Variants in CSMD3 observed in about 807,000 individuals in gnomAD.
The protein encoded by CSMD3 is CUB and Sushi multiple domains 3.
A neutral mutation model predicts 435.2 loss-of-function variants in CSMD3; 177 were observed. The observed-to-expected ratio is 0.41, with a 90% CI of 0.36 to 0.46. CSMD3 has a LOEUF of 0.46. Ranked by LOEUF, CSMD3 falls within the 20% of genes least tolerant of loss-of-function variation. The pLI is 0.34. For missense variants in CSMD3, 4,265 were observed against 4,504.6 expected (o/e 0.95, Z 1.52); for synonymous variants, 1,656 against 1,520.5 (o/e 1.09, Z -2.07).
Position 112,313,914 on chromosome 8 carries a change from C to A in CSMD3, c.7688G>T (p.Arg2563Ile), listed in dbSNP as rs767842756. 1 of 1,610,732 alleles carries A rather than the reference C, an allele frequency of 6.2e-7. No homozygotes were observed. The highest frequency in any genetic ancestry group is 1.1e-5 in the South Asian group (1 of 91,020). The change falls in exon 49 of 71, where the codon AGA (arginine) becomes ATA (isoleucine). Residue 2563 changes from arginine to isoleucine, a missense_variant. Around this residue, in one of 3 missense-constraint regions of CSMD3, gnomAD observed 3,255 missense variants for 3,380.2 expected, o/e 0.96. Coordinates refer to ENST00000297405, the MANE Select transcript of CSMD3 (RefSeq NM_198123.2). ...TTATAAGTTTTACATACCTATATATCTTATCCGGAAGCCTTTTTTGTTATT... is the reference window on the plus strand; with the variant it reads ...TTATAAGTTTTACATACCTATATATATTATCCGGAAGCCTTTTTTGTTATT... ...HGNNKKGFRI[R>I]YIAFYCSTPE...
chr8:112,892,312 T>C (rs1404054650), intron 10 of CSMD3, among the ~76,000 whole-genome samples: 1 of 151,572 alleles, frequency 6.6e-6, no homozygotes, highest in East Asian at 2.0e-4. Context: ...TCAATAACTC[T>C]ATAGAAAGAT....
intron 1 of CSMD3, among the ~76,000 whole-genome samples, chr8:113,376,028 T>C (rs893014948): frequency 6.6e-6 from 1 of 152,200 alleles, no homozygotes; most frequent in Non-Finnish European, 1.5e-5. Context: ...ATTATCTATA[T>C]GAATGTAACT....
intron 3 of CSMD3, among the ~76,000 whole-genome samples, chr8:113,256,143 A>G (rs2093378997): frequency 6.6e-6 from 1 of 152,134 alleles, no homozygotes; most frequent in South Asian, 2.1e-4. Flanking sequence ...AAGAAAAAAA[A>G]AGCAAATGTA....
chr8:112,285,060 T>A (rs1028474183), intron 58 of CSMD3, among the ~76,000 whole-genome samples: 3 of 152,086 alleles, frequency 2.0e-5, no homozygotes, highest in Non-Finnish European at 4.4e-5. Flanking sequence ...TACTAAAATC[T>A]GTTTGTGTAA....
intron 1 of CSMD3, among the ~76,000 whole-genome samples, chr8:113,384,645 CT>C (rs1320403454): frequency 6.6e-6 from 1 of 152,140 alleles, no homozygotes; most frequent in Admixed American, 6.6e-5. Context: ...TGTAGTACAT[CT>C]GAGAAGGCAT....
chr8:113,198,346 T>C (rs561960574), intron 3 of CSMD3, among the ~76,000 whole-genome samples: 1 of 151,466 alleles, frequency 6.6e-6, no homozygotes, highest in East Asian at 1.9e-4. Flanking sequence ...ACATACTATA[T>C]ATGTGATGTA....
chr8:112,939,295 T>A (rs1460191699), intron 9 of CSMD3, among the ~76,000 whole-genome samples: 4 of 152,066 alleles, frequency 2.6e-5, no homozygotes, highest in African/African-American at 9.7e-5. Flanking sequence ...CAATGAAGAC[T>A]TTTAAATCTT....
chr8:112,367,813 C>T (rs955754688), intron 38 of CSMD3, among the ~76,000 whole-genome samples: 1 of 152,110 alleles, frequency 6.6e-6, no homozygotes, highest in Non-Finnish European at 1.5e-5. Context: ...ACTCTTTCTC[C>T]AAGAAAAAAG....
intron 2 of CSMD3, chr8:113,313,644 A>G: frequency 6.6e-6 from 1 of 152,248 alleles, no homozygotes; most frequent in South Asian, 2.1e-4. Flanking sequence ...AGGCAAGAAC[A>G]TGTTATCAAC....
chr8:113,353,389 A>G (rs533155186), intron 1 of CSMD3, among the ~76,000 whole-genome samples: 1 of 152,254 alleles, frequency 6.6e-6, no homozygotes, highest in South Asian at 2.1e-4. Flanking sequence ...TTTGTACTAA[A>G]TATTCTAACA....
Position 112,556,332 on chromosome 8 carries a change from T to C in CSMD3, c.4234+431A>G, listed in dbSNP as rs140347925. On this transcript the variant is annotated intron_variant, in intron 25 of 70. Transcript: ENST00000297405. ...CTTTTCCTACTGAAATTGAGTGCTA[T>C]GCTGTAACATGCATGAGAAAAGAGA... Among the ~76,000 whole-genome samples the C allele has an allele frequency of 3.6e-3, 542 of 152,160 alleles. 2 individuals carry two copies. The highest frequency in any genetic ancestry group is 0.013 in the African/African-American group (520 of 41,554).
chr8:112,242,840 A>G (rs1433109573), intron 65 of CSMD3, among the ~76,000 whole-genome samples: 1 of 152,122 alleles, frequency 6.6e-6, no homozygotes, highest in Admixed American at 6.6e-5. Flanking sequence ...ATTAGTTTGT[A>G]AGTAATCTAC....
At chr8:113,373,300 T>C (rs1477436739) in intron 1 of CSMD3, among the ~76,000 whole-genome samples, 1 of 152,142 alleles carries the variant, frequency 6.6e-6, no homozygotes, top group Non-Finnish European at 1.5e-5. Flanking sequence ...GAAAAAATAA[T>C]TTTTCTATTG....
At chr8:113,284,600 C>T (rs1298685279) in intron 2 of CSMD3, among the ~76,000 whole-genome samples, 4 of 151,930 alleles carry the variant, frequency 2.6e-5, no homozygotes, top group Non-Finnish European at 5.9e-5. Flanking sequence ...TAAGGTAAAG[C>T]TAATATGATT....
chr8:113,134,860 A>G (rs550070637), intron 4 of CSMD3, among the ~76,000 whole-genome samples: 146 of 152,052 alleles, frequency 9.6e-4, no homozygotes, highest in African/African-American at 3.3e-3. Context: ...TTCAGCTTCC[A>G]CTGAAGGCCC....
At chr8:113,367,868 G>A (rs2094322587) in intron 1 of CSMD3, among the ~76,000 whole-genome samples, 2 of 151,996 alleles carry the variant, frequency 1.3e-5, no homozygotes, top group African/African-American at 4.8e-5. Flanking sequence ...CCTGGATGCT[G>A]TCTAGTACAG....
chr8:112,765,054 C>T (rs1459870262), intron 13 of CSMD3, among the ~76,000 whole-genome samples: 4 of 151,334 alleles, frequency 2.6e-5, no homozygotes, highest in East Asian at 1.9e-4. Flanking sequence ...AGGTGGACAG[C>T]GTCATAAGAT....
At chr8:112,465,147 G>A (rs1279602808) in intron 32 of CSMD3, among the ~76,000 whole-genome samples, 1 of 152,084 alleles carries the variant, frequency 6.6e-6, no homozygotes, top group Non-Finnish European at 1.5e-5. Flanking sequence ...TATCCCCACT[G>A]TGTCTCCATT....
chr8:112,502,595 T>TA (rs1384697198), intron 30 of CSMD3, among the ~76,000 whole-genome samples: 1 of 152,208 alleles, frequency 6.6e-6, no homozygotes. Context: ...CGTGACCTCT[T>TA]ACGATAGCCC....
Sources: allele counts gnomAD v4.1 joint callset (sites outside exome capture counted in the v4.1 genomes callset), GRCh38; gene constraint gnomAD v4.1.1; regional missense constraint gnomAD v4.1.1; transcripts MANE v1.5; gene names NCBI Gene and HGNC (gene_info 2026-07-23, HGNC 2026-07-21).